The following SEL1L3 variants were observed in gnomAD, a reference collection of about 807,000 sequenced individuals.
SEL1L3 encodes the protein SEL1L family member 3.
SEL1L3 carries 76 observed loss-of-function variants against 142.8 expected under a neutral mutation model. The ratio of observed to expected loss-of-function variants is 0.53; its 90% CI spans 0.44 to 0.64. The LOEUF (loss-of-function observed/expected upper bound fraction) is 0.64, where lower values mean the gene tolerates loss of function less well. Among genes scored for constraint, SEL1L3 ranks in the 30% least tolerant of loss-of-function variants. The pLI, the probability that SEL1L3 is intolerant of heterozygous loss-of-function variation, is 0.00. For missense variants in SEL1L3, 1,262 were observed against 1,381.7 expected (o/e 0.91, Z 1.37); for synonymous variants, 504 against 519.6 (o/e 0.97, Z 0.41).
chr4:25,830,423 G>T (rs927377487), intron 5 of SEL1L3, among the ~76,000 whole-genome samples: 1 of 152,146 alleles, frequency 6.6e-6, no homozygotes, highest in East Asian at 1.9e-4. Context: ...CAAGCCAAAG[G>T]CTCATTTGAT....
At chr4:25,741,707 C>T in the SEL1L3 span, among the ~76,000 whole-genome samples, 37 of 152,160 alleles carry the variant, frequency 2.4e-4, no homozygotes, top group East Asian at 6.9e-3. Context: ...AACAGAAATC[C>T]TTTATTTTTG....
rs535755252 is a variant in SEL1L3 at position 25,753,214 on chromosome 4, A to C, written c.3259+4320T>G. On this transcript the variant is annotated intron_variant, in intron 23 of 23. Coordinates refer to ENST00000399878, the MANE Select transcript of SEL1L3 (RefSeq NM_015187.5). The stretch of plus-strand genomic sequence containing the variant: ...TATATATCACAGAGCATATAAACTC[A>C]GGAGGAAAATGAAGGTAGTTGGAGC... 5.8e-4 allele frequency among the ~76,000 whole-genome samples: 89 copies of C among 152,392 alleles called. 2 individuals are homozygous for C. The highest frequency in any genetic ancestry group is 1.1e-3 in the Non-Finnish European group (72 of 68,042).
At chr4:25,777,854 T>C (rs1719740737) in intron 16 of SEL1L3, 2 of 456,154 alleles carry the variant, frequency 4.4e-6, no homozygotes, top group African/African-American at 2.0e-5. Context: ...AGGGTATCAG[T>C]GTGAGGGTGG....
rs1356285829 is a variant in SEL1L3 at position 25,833,524 on chromosome 4, G to A, written c.906C>T (p.Ala302=). 1 of 1,612,796 alleles carries A rather than the reference G, an allele frequency of 6.2e-7. No individual in the cohort carries two copies. The highest frequency in any genetic ancestry group is 2.2e-5 in the East Asian group (1 of 44,854). Residue 302 remains alanine (A), a synonymous_variant, in exon 4 of 24, where the codon GCC becomes GCT. Coordinates refer to ENST00000399878, the MANE Select transcript of SEL1L3 (RefSeq NM_015187.5). ...CAAAGTACAGAATCCCACAGAGGTT[G>A]GCCTTGCAATAATGGAGTAAATAAA... ...LWLYLLHYCK[A]NLCGILYFVD...
intron 17 of SEL1L3, among the ~76,000 whole-genome samples, chr4:25,774,869 T>A (rs1310895982): frequency 6.6e-6 from 1 of 150,788 alleles, no homozygotes; most frequent in African/African-American, 2.4e-5. Flanking sequence ...ACAACAAAAG[T>A]AGGCAAGAAA....
chr4:25,843,294 C>T (rs549081419), intron 2 of SEL1L3, among the ~76,000 whole-genome samples: 68 of 151,984 alleles, frequency 4.5e-4, no homozygotes, highest in African/African-American at 1.4e-3. Context: ...GAGGAGGGTA[C>T]GACGGGCAAA....
At chr4:25,839,063 G>C (rs530903069) in intron 2 of SEL1L3, among the ~76,000 whole-genome samples, 1 of 152,288 alleles carries the variant, frequency 6.6e-6, no homozygotes, top group African/African-American at 2.4e-5. Flanking sequence ...CAAAATCTGC[G>C]GGGAAAGAAG....
chr4:25,731,126 A>G, the SEL1L3 span, among the ~76,000 whole-genome samples: 482 of 152,334 alleles, frequency 3.2e-3, 2 homozygotes, highest in African/African-American at 0.011. Context: ...ACATGAGTTC[A>G]AAGGGACATT....
Position 25,765,342 on chromosome 4 carries a change from A to C in SEL1L3, c.2939T>G (p.Leu980Arg). 1 of 1,613,044 alleles carries C rather than the reference A, an allele frequency of 6.2e-7. No individual in the cohort carries two copies. The highest frequency in any genetic ancestry group is 8.5e-7 in the Non-Finnish European group (1 of 1,179,106). The change falls in exon 20 of 24, where the codon CTG (leucine) becomes CGG (arginine). Residue 980 changes from leucine (L) to arginine (R), a missense_variant. Around this residue, in one of 3 missense-constraint regions of SEL1L3, gnomAD observed 435 missense variants for 559.2 expected, o/e 0.78. Coordinates refer to ENST00000399878, the MANE Select transcript of SEL1L3 (RefSeq NM_015187.5). ...LSVQMYAQAA[L>R]DGDSQGFFNL... The stretch of plus-strand genomic sequence containing the variant: ...GCTGTTTACCTGGGAGTCTCCATCC[A>C]GGGCGGCTTGGGCGTACATCTGCAC...
chr4:25,784,346 T>C (rs376515975), intron 13 of SEL1L3, 56 bp from the exon 14 acceptor site: 2 of 1,299,370 alleles, frequency 1.5e-6, no homozygotes. Context: ...ACTGCACACA[T>C]ACAGACACTT....
intron 15 of SEL1L3, among the ~76,000 whole-genome samples, chr4:25,780,087 C>T (rs947258079): frequency 6.6e-6 from 1 of 152,142 alleles, no homozygotes; most frequent in Non-Finnish European, 1.5e-5. Context: ...TTGTTCCTCC[C>T]AATAAATGCC....
chr4:25,787,367 C>G (rs765383931), intron 13 of SEL1L3, among the ~76,000 whole-genome samples: 1 of 152,158 alleles, frequency 6.6e-6, no homozygotes, highest in Non-Finnish European at 1.5e-5. Context: ...CTCACTCAGG[C>G]TGGAGTGCAG....
At chr4:25,714,614 C>T in the SEL1L3 span, among the ~76,000 whole-genome samples, 2 of 149,350 alleles carry the variant, frequency 1.3e-5, no homozygotes, top group South Asian at 2.1e-4. Flanking sequence ...CTCTCTCACC[C>T]AGGCTGGAGT....
At chr4:25,730,810 C>A in the SEL1L3 span, among the ~76,000 whole-genome samples, 2 of 152,124 alleles carry the variant, frequency 1.3e-5, no homozygotes, top group Non-Finnish European at 2.9e-5. Flanking sequence ...GGGCAGATCA[C>A]CTGAGGTCAG....
At chr4:25,721,508 C>T in the SEL1L3 span, among the ~76,000 whole-genome samples, 3 of 152,112 alleles carry the variant, frequency 2.0e-5, no homozygotes, top group Non-Finnish European at 2.9e-5. Flanking sequence ...AATGACTTAC[C>T]GTGTACTTTC....
intron 2 of SEL1L3, among the ~76,000 whole-genome samples, chr4:25,838,361 T>C (rs1715964446): frequency 6.6e-6 from 1 of 152,170 alleles, no homozygotes; most frequent in South Asian, 2.1e-4. Context: ...TCCTCAAATT[T>C]TAGAGCAAGA....
At chr4:25,803,644 C>A (rs1174745780) in intron 10 of SEL1L3, among the ~76,000 whole-genome samples, 1 of 152,208 alleles carries the variant, frequency 6.6e-6, no homozygotes, top group Non-Finnish European at 1.5e-5. Flanking sequence ...AGACGGCCTT[C>A]TCCACTGTGA....
chr4:25,751,924 C>G (rs1717616536), intron 23 of SEL1L3, among the ~76,000 whole-genome samples: 1 of 151,608 alleles, frequency 6.6e-6, no homozygotes. Flanking sequence ...GCCTAACCAA[C>G]ATGGTGAAAC....
chr4:25,803,561 C>T (rs552353527), intron 10 of SEL1L3, among the ~76,000 whole-genome samples: 1 of 152,308 alleles, frequency 6.6e-6, no homozygotes, highest in African/African-American at 2.4e-5. Context: ...CCAGATGAAA[C>T]ATCATTTCTG....
Sources: allele counts gnomAD v4.1 joint callset (sites outside exome capture counted in the v4.1 genomes callset), GRCh38; gene constraint gnomAD v4.1.1; regional missense constraint gnomAD v4.1.1; transcripts MANE v1.5; gene names NCBI Gene and HGNC (gene_info 2026-07-23, HGNC 2026-07-21).